The following PABPC4L variants were observed in gnomAD, a reference collection of about 807,000 sequenced individuals.
PABPC4L encodes the protein poly(A) binding protein cytoplasmic 4 like, also known as polyadenylate-binding protein 4-like.
For synonymous variants in PABPC4L, 169 were observed against 164.1 expected, an observed-to-expected ratio of 1.03 and a Z score of -0.23; for missense variants, 452 against 451.4, an observed-to-expected ratio of 1.00 and a Z score of -0.01.
chr4:134,077,694 C>T, the PABPC4L span, among the ~76,000 whole-genome samples: 3 of 152,204 alleles, frequency 2.0e-5, no homozygotes, highest in East Asian at 5.8e-4. Flanking sequence ...CTACCTCTGG[C>T]CTTTGTGTTC....
At chr4:134,130,842 C>A in the PABPC4L span, among the ~76,000 whole-genome samples, 6 of 151,994 alleles carry the variant, frequency 3.9e-5, no homozygotes, top group Admixed American at 3.3e-4. Context: ...GATAATCCAC[C>A]ATGATCCAGT....
chr4:134,001,898 T>C, the PABPC4L span, among the ~76,000 whole-genome samples: 30 of 152,012 alleles, frequency 2.0e-4, no homozygotes, highest in Non-Finnish European at 2.4e-4. Context: ...AGAAACTCAG[T>C]AGTGTTCATG....
At chr4:133,961,924 C>T in the PABPC4L span, among the ~76,000 whole-genome samples, 1 of 152,128 alleles carries the variant, frequency 6.6e-6, no homozygotes, top group East Asian at 1.9e-4. Context: ...CACTGCATGG[C>T]CCAAGATTCC....
the PABPC4L span, among the ~76,000 whole-genome samples, chr4:134,142,503 C>T: frequency 6.6e-6 from 1 of 151,512 alleles, no homozygotes; most frequent in Non-Finnish European, 1.5e-5. Flanking sequence ...GTAAAAATAG[C>T]ACAACTAAAG....
the PABPC4L span, among the ~76,000 whole-genome samples, chr4:133,962,923 T>C: frequency 6.6e-6 from 1 of 151,642 alleles, no homozygotes; most frequent in African/African-American, 2.4e-5. Flanking sequence ...ATACACAGGA[T>C]CTATAAAACA....
chr4:133,965,260 C>T, the PABPC4L span, among the ~76,000 whole-genome samples: 2 of 151,922 alleles, frequency 1.3e-5, no homozygotes, highest in Non-Finnish European at 2.9e-5. Context: ...TATACCTAAC[C>T]AAGGAGGTGA....
At chr4:134,166,825 GC>G in the PABPC4L span, among the ~76,000 whole-genome samples, 43 of 152,212 alleles carry the variant, frequency 2.8e-4, no homozygotes, top group African/African-American at 1.0e-3. Flanking sequence ...TATGCCTCAT[GC>G]CCACCCTCTG....
At chr4:134,128,789 A>T in the PABPC4L span, among the ~76,000 whole-genome samples, 1 of 152,192 alleles carries the variant, frequency 6.6e-6, no homozygotes, top group Non-Finnish European at 1.5e-5. Flanking sequence ...TTCAGGCAAC[A>T]AATAACATGA....
the PABPC4L span, among the ~76,000 whole-genome samples, chr4:134,168,011 C>T: frequency 6.6e-6 from 1 of 151,972 alleles, no homozygotes; most frequent in Non-Finnish European, 1.5e-5. Flanking sequence ...GCACATGAAA[C>T]ATTCTCAAAG....
In PABPC4L at chr4:134,200,731, T is replaced by G. The variant is rs142016147; in HGVS notation, c.289A>C (p.Ile97Leu). 3.4e-4 allele frequency: 523 copies of G among 1,551,724 alleles called. 2 individuals carry two copies. Among genetic ancestry groups the G allele is most frequent in the Non-Finnish European group, 4.4e-4 (499 of 1,146,968 alleles). ...AGATTCTTGATGAATACGTTCCCAA[T>G]TCCAGATCTCCTCAAGTAGGCATCG... ...QRDAYLRRSG[I>L]GNVFIKNLDK... The change falls in exon 2 of 2, where the codon ATT becomes CTT. Residue 97 changes from isoleucine to leucine, a missense_variant. Coordinates refer to ENST00000421491, the MANE Select transcript of PABPC4L (RefSeq NM_001114734.2).
At chr4:133,982,390 C>G in the PABPC4L span, among the ~76,000 whole-genome samples, 3 of 151,924 alleles carry the variant, frequency 2.0e-5, no homozygotes, top group Non-Finnish European at 1.5e-5. Context: ...TCATGTTTAA[C>G]TCTTTCAACA....
the PABPC4L span, among the ~76,000 whole-genome samples, chr4:134,036,564 T>G: frequency 6.6e-6 from 1 of 152,260 alleles, no homozygotes; most frequent in African/African-American, 2.4e-5. Context: ...GAGTATAATT[T>G]CAGCCACTGG....
At chr4:134,073,606 G>C in the PABPC4L span, among the ~76,000 whole-genome samples, 14,203 of 152,212 alleles carry the variant, frequency 0.093, 715 homozygotes, top group South Asian at 0.14. Flanking sequence ...CTGTGTGGGG[G>C]CTCCAACCCA....
chr4:134,006,879 T>C, the PABPC4L span, among the ~76,000 whole-genome samples: 1 of 151,004 alleles, frequency 6.6e-6, no homozygotes, highest in Admixed American at 6.7e-5. Context: ...TCTGCTAACA[T>C]ATGAAAGGCA....
chr4:134,018,629 G>T, the PABPC4L span, among the ~76,000 whole-genome samples: 1 of 152,014 alleles, frequency 6.6e-6, no homozygotes, highest in Non-Finnish European at 1.5e-5. Flanking sequence ...TGGATACAAA[G>T]ATTTTCTTTC....
the PABPC4L span, among the ~76,000 whole-genome samples, chr4:133,970,765 G>A: frequency 6.6e-6 from 1 of 152,038 alleles, no homozygotes; most frequent in Non-Finnish European, 1.5e-5. Flanking sequence ...GATGAGATTA[G>A]TGTCCTTATT....
the PABPC4L span, among the ~76,000 whole-genome samples, chr4:133,968,600 AC>A: frequency 6.6e-6 from 1 of 152,206 alleles, no homozygotes; most frequent in Non-Finnish European, 1.5e-5. Context: ...AATACAAAAA[AC>A]AAAAAATGGG....
At chr4:134,192,938 CA>C (rs1421930712), downstream of PABPC4L, among the ~76,000 whole-genome samples, 1 of 151,834 alleles carries the variant, frequency 6.6e-6, no homozygotes, top group South Asian at 2.1e-4. Context: ...GTGGTAGTTA[CA>C]AAAAATACAT....
chr4:133,948,878 T>G, the PABPC4L span, among the ~76,000 whole-genome samples: 4 of 152,162 alleles, frequency 2.6e-5, no homozygotes, highest in Non-Finnish European at 5.9e-5. Flanking sequence ...TTAATTAATT[T>G]TACTCTCTCA....
Sources: gnomAD v4.1 joint callset for allele counts (sites outside exome capture counted in the v4.1 genomes callset) on GRCh38, gnomAD v4.1.1 for gene constraint, MANE v1.5 for transcripts, NCBI Gene and HGNC (gene_info 2026-07-23, HGNC 2026-07-21) for gene names.